ALX4: variants seen among roughly 807,000 people sequenced by gnomAD.
ALX4 encodes ALX homeobox 4, also known as homeobox protein aristaless-like 4.
In ALX4, 22 loss-of-function variants were observed where a neutral mutation model predicts 40.6. The observed-to-expected ratio is 0.54, with a 90% CI of 0.39 to 0.77. The LOEUF (loss-of-function observed/expected upper bound fraction) is 0.77. Among genes scored for constraint, ALX4 ranks in the 30% least tolerant of loss-of-function variants. ALX4 has a pLI of 0.00. For synonymous variants in ALX4, 266 were observed against 240.5 expected, an observed-to-expected ratio of 1.11 and a Z score of -0.98; for missense variants, 556 against 564.8, an observed-to-expected ratio of 0.98 and a Z score of 0.16.
chr11:44,280,730 C>T lies in ALX4; in HGVS notation c.467-5072G>A, dbSNP rs145852536. Among the ~76,000 whole-genome samples the T allele has an allele frequency of 9.4e-3, 1,439 of 152,320 alleles. 19 individuals carry two copies. The highest frequency in any genetic ancestry group is 8.6e-3 in the Non-Finnish European group (587 of 68,020). On this transcript the variant is annotated intron_variant, in intron 1 of 3. Coordinates refer to ENST00000652299, the MANE Select transcript of ALX4 (RefSeq NM_021926.4). Reference sequence around the variant, plus strand: ...CCTGCTCCACGGAGGGTGTTGTGCACGCAGTGTGGCCATCATGGTATCCAG... The same window carrying T: ...CCTGCTCCACGGAGGGTGTTGTGCATGCAGTGTGGCCATCATGGTATCCAG...
rs1956461314 is a variant in ALX4 at position 44,305,513 on chromosome 11, C to T, written c.466+4084G>A. Among the ~76,000 whole-genome samples, 3 of 152,246 alleles carry T rather than the reference C, an allele frequency of 2.0e-5. No individual in the cohort carries two copies. The South Asian group carries it at 6.2e-4, about 31-fold the overall frequency. On this transcript the variant is annotated intron_variant, in intron 1 of 3. Coordinates refer to ENST00000652299, the MANE Select transcript of ALX4 (RefSeq NM_021926.4). ...CAGTCACCCACAGCAGCTGTTGCTG[C>T]TTCTGTCGGGTTTTCGTTTCTGCCT...
chr11:44,288,756 T>C (rs1278072514), intron 1 of ALX4, among the ~76,000 whole-genome samples: 2 of 152,228 alleles, frequency 1.3e-5, no homozygotes, highest in African/African-American at 4.8e-5. Flanking sequence ...CAAGCTACTG[T>C]TGGAACTTAA....
chr11:44,309,147 C>T (rs564779283), intron 1 of ALX4, among the ~76,000 whole-genome samples: 6 of 151,998 alleles, frequency 3.9e-5, no homozygotes, highest in Admixed American at 3.9e-4. Context: ...CTTCTGCAGT[C>T]CTGCTGTCCC....
At chr11:44,298,524 C>T (rs1956416641) in intron 1 of ALX4, among the ~76,000 whole-genome samples, 1 of 152,064 alleles carries the variant, frequency 6.6e-6, no homozygotes, top group Non-Finnish European at 1.5e-5. Context: ...AATGGGGGTG[C>T]CAGCGGGCAG....
intron 1 of ALX4, among the ~76,000 whole-genome samples, chr11:44,283,867 G>T (rs552689159): frequency 6.6e-6 from 1 of 152,118 alleles, no homozygotes; most frequent in African/African-American, 2.4e-5. Context: ...CCAATATTAG[G>T]TATTTATTTG....
chr11:44,276,193 G>A (rs539276907), intron 1 of ALX4, among the ~76,000 whole-genome samples: 1 of 152,318 alleles, frequency 6.6e-6, no homozygotes, highest in South Asian at 2.1e-4. Flanking sequence ...AGGAGCTGTG[G>A]AGACTCTGCC....
At chr11:44,284,211 T>C (rs575747067) in intron 1 of ALX4, among the ~76,000 whole-genome samples, 1 of 151,070 alleles carries the variant, frequency 6.6e-6, no homozygotes, top group South Asian at 2.1e-4. Flanking sequence ...GTTTCTTTTC[T>C]TTTTTTGGGG....
At chr11:44,276,760 A>G (rs942597583) in intron 1 of ALX4, among the ~76,000 whole-genome samples, 17 of 152,184 alleles carry the variant, frequency 1.1e-4, no homozygotes, top group Admixed American at 1.3e-4. Flanking sequence ...ACCTCAAATC[A>G]TCAGGCATCA....
chr11:44,277,521 G>A (rs1222254118), intron 1 of ALX4, among the ~76,000 whole-genome samples: 3 of 152,200 alleles, frequency 2.0e-5, no homozygotes, highest in Non-Finnish European at 4.4e-5. Flanking sequence ...CGTGTGGTAG[G>A]TGTGAGCATC....
chr11:44,297,040 C>T (rs1956406815), intron 1 of ALX4, among the ~76,000 whole-genome samples: 3 of 139,356 alleles, frequency 2.2e-5, no homozygotes, highest in South Asian at 4.8e-4. Flanking sequence ...AAGGTACCTA[C>T]AGTAGGAAAA....
At chr11:44,303,377 C>A (rs923953721) in intron 1 of ALX4, among the ~76,000 whole-genome samples, 15 of 152,298 alleles carry the variant, frequency 9.8e-5, no homozygotes, top group African/African-American at 3.6e-4. Context: ...ACAAGCGGCG[C>A]CTTCACCGGG....
rs1342673956 is a variant in ALX4, at chr11:44,278,011, G to T, written c.467-2353C>A. ...CAGACAAATACATTTTATGTTTTAG[G>T]TTTTTTTTTTTTTTTTTTAGAAACC... is the stretch of plus-strand genomic sequence containing the variant. On this transcript the variant is annotated intron_variant, in intron 1 of 3. Transcript: ENST00000652299. Among the ~76,000 whole-genome samples the T allele has an allele frequency of 2.1e-5, 3 of 141,894 alleles. No individual in the cohort carries two copies. In the East Asian group the frequency reaches 6.2e-4, roughly 29 times the overall value. 93.1% of individuals were successfully genotyped at this position (141,894 alleles called of 152,430 possible).
At chr11:44,269,410 C>T (rs1449118455) in intron 2 of ALX4, among the ~76,000 whole-genome samples, 1 of 152,208 alleles carries the variant, frequency 6.6e-6, no homozygotes, top group East Asian at 1.9e-4. Context: ...GGATGTATCT[C>T]ATGTTACTGT....
At chr11:44,293,840 A>G (rs1828656) in intron 1 of ALX4, among the ~76,000 whole-genome samples, 65,119 of 152,122 alleles carry the variant, frequency 0.43, 14,367 homozygotes, top group Admixed American at 0.51. Flanking sequence ...CTGCTCCCAC[A>G]TATCACATGG....
intron 1 of ALX4, among the ~76,000 whole-genome samples, chr11:44,295,385 C>T (rs1203065486): frequency 1.3e-5 from 2 of 152,210 alleles, no homozygotes; most frequent in Non-Finnish European, 2.9e-5. Context: ...GTGGAATGAA[C>T]AGTTTCCATG....
chr11:44,304,433 C>T (rs1052664724), intron 1 of ALX4, among the ~76,000 whole-genome samples: 1 of 152,136 alleles, frequency 6.6e-6, no homozygotes, highest in African/African-American at 2.4e-5. Flanking sequence ...CTCCGGCATA[C>T]ACTCCCCTAC....
chr11:44,280,054 G>C (rs767995961), intron 1 of ALX4, among the ~76,000 whole-genome samples: 1 of 152,190 alleles, frequency 6.6e-6, no homozygotes, highest in Non-Finnish European at 1.5e-5. Flanking sequence ...TGAACCAACC[G>C]CCTCATCCTC....
intron 1 of ALX4, among the ~76,000 whole-genome samples, chr11:44,306,478 G>A (rs1265810483): frequency 6.6e-6 from 1 of 152,228 alleles, no homozygotes; most frequent in Non-Finnish European, 1.5e-5. Context: ...CCAGGAAGAG[G>A]CCTCCGAGCT....
At chr11:44,293,009 GA>G (rs1286463305) in intron 1 of ALX4, among the ~76,000 whole-genome samples, 1 of 151,786 alleles carries the variant, frequency 6.6e-6, no homozygotes, top group African/African-American at 2.4e-5. Context: ...TGAAGCAGGA[GA>G]ACTGCTTGAG....
Sources: allele counts gnomAD v4.1 joint callset (sites outside exome capture counted in the v4.1 genomes callset), GRCh38; gene constraint gnomAD v4.1.1; transcripts MANE v1.5; gene names NCBI Gene and HGNC (gene_info 2026-07-23, HGNC 2026-07-21).